Variants in PKD1 observed in about 807,000 individuals in gnomAD.
PKD1 encodes polycystin 1, transient receptor potential channel interacting.
A neutral mutation model predicts 361.7 loss-of-function variants in PKD1; 81 were observed. That is an observed-to-expected ratio of 0.22 (90% CI 0.19 to 0.27). PKD1 has a LOEUF of 0.27. Ranked by LOEUF, PKD1 falls within the 10% of genes least tolerant of loss-of-function variation. The probability of loss-of-function intolerance (pLI) is 1.00; values close to 1 mark genes in which losing one functional copy is unlikely to be tolerated. For synonymous variants in PKD1, 3,615 were observed against 2,818.3 expected (o/e 1.28, Z -8.95); for missense variants, 6,399 against 6,118.3 (o/e 1.05, Z -1.53).
rs1485273394 is a variant in PKD1 at position 2,117,525 on chromosome 16, G to A, written c.1349C>T (p.Pro450Leu). The change falls in exon 6 of 46, where the codon CCC becomes CTC. Residue 450 changes from proline to leucine, a missense_variant. Physicochemically the swap from Pro to Leu is moderately conservative, Grantham distance 98 (BLOSUM62 -3). Coordinates refer to ENST00000262304, the MANE Select transcript of PKD1 (RefSeq NM_001009944.3). ...GGAGACCAGGAAGCGCTGCACGGCG[G>A]GACTGTCCACCATTGCCAGGGCGGC... ...AGAALAMVDSPAVQRFLVSRV... is the reference protein window; with the variant it reads ...AGAALAMVDSLAVQRFLVSRV... The A allele has an allele frequency of 2.5e-6, 4 of 1,589,308 alleles. No homozygotes were observed. The highest frequency in any genetic ancestry group is 3.4e-6 in the Non-Finnish European group (4 of 1,168,972).
chr16:2,091,247 C>A, intron 42 of PKD1, 73 bp from the exon 43 acceptor site: 2 of 607,946 alleles, frequency 3.3e-6, no homozygotes, highest in Non-Finnish European at 4.4e-6. Context: ...CGGGACGCTG[C>A]CGGGGCGGGG....
rs1320401594 is a variant in PKD1 at position 2,089,517 on chromosome 16, C to T, written c.*210G>A. ...CCGTCCAATACTGCTGTGTCCTTCC[C>T]AAGGGAGCTGGGGAGGGGACCCTGG... On this transcript the variant is annotated 3_prime_UTR_variant, in exon 46 of 46. Coordinates refer to ENST00000262304, the MANE Select transcript of PKD1 (RefSeq NM_001009944.3). 2.4e-5 allele frequency: 15 copies of T among 614,840 alleles called. No individual in the cohort carries two copies. In the East Asian group the frequency reaches 4.1e-4, roughly 17 times the overall value. The allele number at this position is 614,840 out of a possible 1,614,324, so 38.1% of individuals were successfully genotyped here.
rs758620810 is a variant in PKD1 at position 2,107,884 on chromosome 16, G to A, written c.7064C>T (p.Thr2355Met). 72 of 1,543,142 alleles carry A rather than the reference G, an allele frequency of 4.7e-5. No homozygotes were observed. The highest frequency in any genetic ancestry group is 1.8e-4 in the Admixed American group (9 of 50,988). ...GGCCGAGGGGCGGGCGGCACCCACC[G>A]TCTGGTTGGTGGCCTCCTCCTTGCG... ...AGRKEEATNQ[T>M]VLIRSGRVPI... The change falls in exon 16 of 46, where the codon ACG becomes ATG. Residue 2355 changes from threonine to methionine, a missense_variant and splice_region_variant. Coordinates refer to ENST00000262304, the MANE Select transcript of PKD1 (RefSeq NM_001009944.3).
In PKD1 at chr16:2,114,599, C is replaced by T. The variant is rs1299771100; in HGVS notation, c.2424G>A (p.Arg808=). Residue 808 remains arginine (R), a synonymous_variant, in exon 11 of 46, where the codon AGG becomes AGA. Coordinates refer to ENST00000262304, the MANE Select transcript of PKD1 (RefSeq NM_001009944.3). ...CGTCAAAGCTGCAGGAGAGGTTGTG[C>T]CTGGACACGCCATTGCCCACCTCTG... The part of the protein sequence containing the change: ...VRAEVGNGVS[R]HNLSCSFDVV... 6 of 1,588,532 alleles carry T rather than the reference C, an allele frequency of 3.8e-6. No homozygotes were observed. The highest frequency in any genetic ancestry group is 5.1e-6 in the Non-Finnish European group (6 of 1,176,242).
At position 2,091,791 on chromosome 16, in the gene PKD1, G is replaced by A. The variant is rs751197845; in HGVS notation, c.11527C>T (p.Leu3843=). 3.1e-6 allele frequency: 5 copies of A among 1,610,850 alleles called. No individual in the cohort carries two copies. The highest frequency in any genetic ancestry group is 2.2e-5 in the South Asian group (2 of 90,820). ...RLRFLQLHNW[L]DNRSRAVFLE... is the part of the protein sequence containing the mutation. Reference sequence around the variant, plus strand: ...GGAGGGAGCTCCCACCTGTTGTCCAGCCAGTTGTGCAGCTGCAGGAAGCGC... The same window carrying A: ...GGAGGGAGCTCCCACCTGTTGTCCAACCAGTTGTGCAGCTGCAGGAAGCGC... Residue 3843 remains leucine, a synonymous_variant, in exon 41 of 46, where the codon CTG becomes TTG. Coordinates refer to ENST00000262304, the MANE Select transcript of PKD1 (RefSeq NM_001009944.3).
Position 2,118,838 on chromosome 16 carries a change from T to G in PKD1, c.367A>C (p.Ser123Arg). ...NLFNLSEINL[S>R]GNPFECDCGL... ...CAGTCACACTCAAACGGGTTCCCAC[T>G]CAGGTTTCTGCAGGGCAGGGGCAGG... Residue 123 changes from serine (S) to arginine (R), a missense_variant, in exon 4 of 46, where the codon AGT (serine) becomes CGT (arginine). Transcript: ENST00000262304. This position sits in a 1 kb window ranked among gnomAD's most constrained non-coding sequence, Gnocchi z 6.0. The G allele has an allele frequency of 6.3e-7, 1 of 1,595,620 alleles. No individual in the cohort carries two copies. Among genetic ancestry groups the G allele is most frequent in the South Asian group, 1.1e-5 (1 of 90,952 alleles).
In PKD1 at chr16:2,092,937, G is replaced by A; in HGVS notation, c.11156+17C>T. 6.2e-7 allele frequency: 1 copy of A among 1,612,888 alleles called. No homozygotes were observed. Among genetic ancestry groups the A allele is most frequent in the Non-Finnish European group, 8.5e-7 (1 of 1,179,928 alleles). ...ACTAAAGCCCAGAAGACAGACCAGT[G>A]CACCGGATGCCCGTACCGCGTGATG... On this transcript the variant is annotated intron_variant, in intron 38 of 45. Coordinates refer to ENST00000262304, the MANE Select transcript of PKD1 (RefSeq NM_001009944.3).
intron 1 of PKD1, among the ~76,000 whole-genome samples, chr16:2,131,235 C>A (rs543123400): frequency 2.0e-5 from 3 of 152,156 alleles, no homozygotes; most frequent in Non-Finnish European, 4.4e-5. Flanking sequence ...ATTTAAAAGA[C>A]AGGCGGTGGC....
chr16:2,093,184 G>T, intron 37 of PKD1, 91 bp from the exon 38 acceptor site: 1 of 1,489,840 alleles, frequency 6.7e-7, no homozygotes, highest in Non-Finnish European at 9.3e-7. Flanking sequence ...GCTGCGGCAG[G>T]TGTGGCTGCA....
chr16:2,102,814 C>T lies in PKD1; in HGVS notation c.8948G>A (p.Gly2983Glu). Residue 2983 changes from glycine (G) to glutamate (E), a missense_variant and splice_region_variant, in exon 24 of 46, where the codon GGG becomes GAG. Coordinates refer to ENST00000262304, the MANE Select transcript of PKD1 (RefSeq NM_001009944.3). ...TGCCAGGCTGGCCCGCAGAGCTCAC[C>T]CCGGGGAAATGAAGAAGGTGTAGGG... ...HRPYTFFISP[G>E]SRDPAGSYHL... 6.2e-7 allele frequency: 1 copy of T among 1,610,030 alleles called. No individual in the cohort carries two copies. The highest frequency in any genetic ancestry group is 8.5e-7 in the Non-Finnish European group (1 of 1,179,774).
Position 2,111,234 on chromosome 16 carries a change from C to T in PKD1, c.3933G>A (p.Ala1311=), listed in dbSNP as rs779618242. ...PAACIPTQPD[A]RLTAYVTGNP... is the part of the protein sequence containing the mutation. ...TCCCGGTGACGTAGGCCGTGAGCCG[C>T]GCGTCAGGCTGCGTGGGGATGCAGG... is the stretch of plus-strand genomic sequence containing the variant. Residue 1311 remains alanine (A), a synonymous_variant, in exon 15 of 46, where the codon GCG becomes GCA. Coordinates refer to ENST00000262304, the MANE Select transcript of PKD1 (RefSeq NM_001009944.3). The T allele has an allele frequency of 6.8e-6, 11 of 1,610,816 alleles. No homozygotes were observed. Among genetic ancestry groups the T allele is most frequent in the Non-Finnish European group, 7.6e-6 (9 of 1,179,638 alleles).
chr16:2,103,942 G>A, intron 22 of PKD1, 47 bp from the exon 23 acceptor site: 1 of 1,368,534 alleles, frequency 7.3e-7, no homozygotes, highest in Non-Finnish European at 9.7e-7. Context: ...GGTAGAGGGA[G>A]GGTGGGGGCA....
chr16:2,090,164 C>G lies in PKD1; in HGVS notation c.12475G>C (p.Glu4159Gln). The G allele has an allele frequency of 6.3e-7, 1 of 1,599,094 alleles. No individual in the cohort carries two copies. The highest frequency in any genetic ancestry group is 8.5e-7 in the Non-Finnish European group (1 of 1,172,516). Residue 4159 changes from glutamate to glutamine, a missense_variant, in exon 46 of 46, where the codon GAG (glutamate) becomes CAG (glutamine). Transcript: ENST00000262304. ...CTGGAGGAGCGAGAGGGCAGCGGCT[C>G]CATCCCTTCAAAGCGGACTTTGTGG... Reference protein sequence around the residue: ...FRHKVRFEGMEPLPSRSSRGS... With the variant: ...FRHKVRFEGMQPLPSRSSRGS...
At chr16:2,104,998 G>A (rs2092284680) in intron 21 of PKD1, among the ~76,000 whole-genome samples, 1 of 104,796 alleles carries the variant, frequency 9.5e-6, no homozygotes, top group African/African-American at 3.7e-5. Context: ...AAGGGCTAGG[G>A]GAGGGGAGGA....
chr16:2,102,368 C>G lies in PKD1; in HGVS notation c.9201+13G>C, dbSNP rs2092130390. ...GACTCTGCAGAGGCTCCCAGGAGCA[C>G]AGGGTCACTCACAGGAAACACAAAG... On this transcript the variant is annotated intron_variant, in intron 25 of 45. Transcript: ENST00000262304. 13 of 1,553,138 alleles carry G rather than the reference C, an allele frequency of 8.4e-6. No homozygotes were observed. Among genetic ancestry groups the G allele is most frequent in the Admixed American group, 1.9e-5 (1 of 51,304 alleles).
In PKD1 at chr16:2,110,564, G is replaced by T; in HGVS notation, c.4603C>A (p.Arg1535Ser). 6.2e-7 allele frequency: 1 copy of T among 1,611,094 alleles called. No individual in the cohort carries two copies. The highest frequency in any genetic ancestry group is 8.5e-7 in the Non-Finnish European group (1 of 1,179,778). Residue 1535 changes from arginine to serine, a missense_variant, in exon 15 of 46, where the codon CGC becomes AGC. Arg to Ser is a moderately radical substitution (Grantham distance 110). Transcript: ENST00000262304. ...VRVAGWNEVS[R>S]SEAWLNVTVK... ...GTCACATTGAGCCAGGCCTCGCTGCGGCTCACCTCATTCCAGCCGGCCACC... is the reference window on the plus strand; with the variant it reads ...GTCACATTGAGCCAGGCCTCGCTGCTGCTCACCTCATTCCAGCCGGCCACC...
rs1390491303 is a variant in PKD1, at chr16:2,089,819, G to A, written c.12820C>T (p.Leu4274Phe). The change falls in exon 46 of 46, where the codon CTT (leucine) becomes TTT (phenylalanine). Residue 4274 changes from leucine (L) to phenylalanine (F), a missense_variant. By Grantham distance (22) the Leu-to-Phe change is conservative. Coordinates refer to ENST00000262304, the MANE Select transcript of PKD1 (RefSeq NM_001009944.3). The part of the protein sequence containing the change: ...PGLRPALPSR[L>F]ARASRGVDLA... ...TCCACACCCCGACTGGCCCGGGCAA[G>A]GCGGCTGGGCAGTGCTGGCCGCAGG... is the stretch of plus-strand genomic sequence containing the variant. The A allele has an allele frequency of 6.9e-6, 11 of 1,602,134 alleles. No individual in the cohort carries two copies. Among genetic ancestry groups the A allele is most frequent in the East Asian group, 2.2e-5 (1 of 44,500 alleles).
At position 2,103,332 on chromosome 16, in the gene PKD1, C is replaced by T. The variant is rs1388840959; in HGVS notation, c.8725G>A (p.Val2909Ile). Residue 2909 changes from valine (V) to isoleucine (I), a missense_variant, in exon 23 of 46, where the codon GTC (valine) becomes ATC (isoleucine). Coordinates refer to ENST00000262304, the MANE Select transcript of PKD1 (RefSeq NM_001009944.3). ...GCAGGGTTGCTGCTGTCCAGGGTGACCACAGCACCGACGGAGGCCTGGGGC... is the reference window on the plus strand; with the variant it reads ...GCAGGGTTGCTGCTGTCCAGGGTGATCACAGCACCGACGGAGGCCTGGGGC... Reference protein sequence around the residue: ...VQPQASVGAVVTLDSSNPAAG... With the variant: ...VQPQASVGAVITLDSSNPAAG... 4 of 1,606,902 alleles carry T rather than the reference C, an allele frequency of 2.5e-6. No individual in the cohort carries two copies. The African/African-American group carries it at 4.0e-5, about 16-fold the overall frequency.
In PKD1 at chr16:2,100,629, G is replaced by C. The variant is rs1419746549; in HGVS notation, c.9398-63C>G. ...CTGCCCAACACGTGTGGCATCCCAG[G>C]CAAGTCATCTCAGCTTTGGCCTGTG... On this transcript the variant is annotated intron_variant, in intron 26 of 45. Transcript: ENST00000262304. This position sits in a 1 kb window ranked among gnomAD's most constrained non-coding sequence, Gnocchi z 4.4. 2 of 1,420,306 alleles carry C rather than the reference G, an allele frequency of 1.4e-6. No homozygotes were observed. The highest frequency in any genetic ancestry group is 2.8e-5 in the African/African-American group (2 of 71,266). 88.0% of individuals were successfully genotyped at this position (1,420,306 alleles called of 1,614,324 possible).
Sources: gnomAD v4.1 joint callset for allele counts (sites outside exome capture counted in the v4.1 genomes callset) on GRCh38, gnomAD v4.1.1 for gene constraint, Gnocchi (gnomAD v3.1) non-coding constraint, MANE v1.5 for transcripts, NCBI Gene and HGNC (gene_info 2026-07-23, HGNC 2026-07-21) for gene names.